Variants in UST observed in about 807,000 individuals in gnomAD.
UST encodes chondroitin sulfate 2-O-sulfotransferase.
In UST, 21 loss-of-function variants were observed where a neutral mutation model predicts 45.6. That is an observed-to-expected ratio of 0.46 (90% CI 0.33 to 0.66). The LOEUF (loss-of-function observed/expected upper bound fraction) is 0.66. UST is among the 30% of genes least tolerant of loss of function. UST has a pLI of 0.02. For missense variants in UST, 463 were observed against 512.4 expected (o/e 0.90, Z 0.93); for synonymous variants, 215 against 200.6 (o/e 1.07, Z -0.61).
chr6:148,910,208 T>A (rs1390751786), intron 2 of UST, among the ~76,000 whole-genome samples: 1 of 149,892 alleles, frequency 6.7e-6, no homozygotes, highest in Non-Finnish European at 1.5e-5. Context: ...TGGCACGATC[T>A]TGGCTCACCA....
At chr6:148,984,948 C>T (rs907422005) in intron 5 of UST, among the ~76,000 whole-genome samples, 1 of 152,164 alleles carries the variant, frequency 6.6e-6, no homozygotes, top group African/African-American at 2.4e-5. Flanking sequence ...ATAAGATCAA[C>T]AATTGTTTCA....
chr6:148,921,549 C>T (rs888328297), intron 2 of UST, among the ~76,000 whole-genome samples: 2 of 152,206 alleles, frequency 1.3e-5, no homozygotes, highest in Non-Finnish European at 2.9e-5. Flanking sequence ...CTCTGTCTGG[C>T]AGCCTATGAG....
intron 1 of UST, among the ~76,000 whole-genome samples, chr6:148,802,572 C>A (rs1013664834): frequency 6.6e-6 from 1 of 152,068 alleles, no homozygotes. Flanking sequence ...ATTTCATTTT[C>A]TCTCTCTCTC....
chr6:148,969,529 C>T (rs1284894284), intron 5 of UST, among the ~76,000 whole-genome samples: 2 of 152,178 alleles, frequency 1.3e-5, no homozygotes, highest in African/African-American at 4.8e-5. Flanking sequence ...GCCTGCATTA[C>T]AGGGTTGTTG....
intron 1 of UST, among the ~76,000 whole-genome samples, chr6:148,762,150 TAAAG>T: frequency 6.6e-6 from 1 of 152,282 alleles, no homozygotes; most frequent in African/African-American, 2.4e-5. Context: ...TGCTGCGAGA[TAAAG>T]AGTTTTCCCA....
At position 148,811,148 on chromosome 6, in the gene UST, G is replaced by A. The variant is rs1409157066; in HGVS notation, c.247+63471G>A. Among the ~76,000 whole-genome samples, 3 of 152,038 alleles carry A rather than the reference G, an allele frequency of 2.0e-5. No individual in the cohort carries two copies. The East Asian group carries it at 5.8e-4, about 29-fold the overall frequency. ...ATCGATTATTGCTCATGATCTATGG[G>A]TCAGCTGGGCAGTTCTTCTGGTCTT... is the stretch of plus-strand genomic sequence containing the variant. On this transcript the variant is annotated intron_variant, in intron 1 of 7. Coordinates refer to ENST00000367463, the MANE Select transcript of UST (RefSeq NM_005715.3).
At chr6:148,966,777 C>A (rs1028371987) in intron 5 of UST, among the ~76,000 whole-genome samples, 1 of 152,206 alleles carries the variant, frequency 6.6e-6, no homozygotes, top group Non-Finnish European at 1.5e-5. Context: ...TGCTCTGTTG[C>A]CCAGGCTGGA....
At chr6:148,858,096 C>T (rs1284230517) in intron 1 of UST, among the ~76,000 whole-genome samples, 1 of 152,124 alleles carries the variant, frequency 6.6e-6, no homozygotes, top group Non-Finnish European at 1.5e-5. Flanking sequence ...TGTAGAGGCA[C>T]AGAACTAATA....
At chr6:148,937,952 A>C (rs1327491424) in intron 2 of UST, among the ~76,000 whole-genome samples, 1 of 152,212 alleles carries the variant, frequency 6.6e-6, no homozygotes, top group African/African-American at 2.4e-5. Flanking sequence ...ACCTAATTCA[A>C]CCTTCCTGAT....
intron 1 of UST, among the ~76,000 whole-genome samples, chr6:148,846,865 T>C (rs1009398338): frequency 6.6e-6 from 1 of 152,266 alleles, no homozygotes; most frequent in Admixed American, 6.5e-5. Flanking sequence ...GAAAAGACTT[T>C]GGATAGTTGC....
intron 1 of UST, among the ~76,000 whole-genome samples, chr6:148,868,034 C>T (rs1778479119): frequency 6.6e-6 from 1 of 152,168 alleles, no homozygotes; most frequent in Admixed American, 6.5e-5. Flanking sequence ...GAGCCTGCCA[C>T]TGATGAGCAG....
At chr6:148,833,993 C>T (rs908025377) in intron 1 of UST, among the ~76,000 whole-genome samples, 10 of 152,026 alleles carry the variant, frequency 6.6e-5, no homozygotes, top group Admixed American at 3.3e-4. Context: ...ACCTTTTCAC[C>T]GTCTTGTTTT....
intron 5 of UST, among the ~76,000 whole-genome samples, chr6:148,975,624 G>A (rs923453350): frequency 6.6e-6 from 1 of 152,044 alleles, no homozygotes; most frequent in African/African-American, 2.4e-5. Context: ...TGATCAAAGA[G>A]CCTCACAACT....
At chr6:149,062,034 A>G (rs1228748404) in intron 7 of UST, among the ~76,000 whole-genome samples, 1 of 152,252 alleles carries the variant, frequency 6.6e-6, no homozygotes, top group Non-Finnish European at 1.5e-5. Context: ...TGGCTGGGGT[A>G]AATATCACAC....
At chr6:149,037,285 G>A (rs143286648) in intron 7 of UST, among the ~76,000 whole-genome samples, 32 of 152,300 alleles carry the variant, frequency 2.1e-4, no homozygotes, top group African/African-American at 7.5e-4. Context: ...GTCCAAGCCA[G>A]TTCAAAATCG....
chr6:148,834,376 T>G (rs1291266068), intron 1 of UST, among the ~76,000 whole-genome samples: 1 of 152,214 alleles, frequency 6.6e-6, no homozygotes, highest in Non-Finnish European at 1.5e-5. Context: ...GGAAGCATTC[T>G]CTTTACCAAA....
chr6:148,750,911 A>T (rs796457202), intron 1 of UST, among the ~76,000 whole-genome samples: 1 of 152,262 alleles, frequency 6.6e-6, no homozygotes, highest in East Asian at 1.9e-4. Flanking sequence ...CAGTTGTGCT[A>T]TGTCTAGGCT....
rs773693678 is a variant in UST, at chr6:148,887,012, G to C, written c.274G>C (p.Gly92Arg). 6.8e-6 allele frequency: 11 copies of C among 1,612,740 alleles called. No homozygotes were observed. Among genetic ancestry groups the C allele is most frequent in the Middle Eastern group, 1.6e-4 (1 of 6,078 alleles). Residue 92 changes from glycine to arginine, a missense_variant, in exon 2 of 8, where the codon GGA (glycine) becomes CGA (arginine). Physicochemically the swap from Gly to Arg is moderately radical, Grantham distance 125. Transcript: ENST00000367463. Reference sequence around the variant, plus strand: ...AAATTCCACTTACTTGGATGACCATGGACCACCTCCTAGTAAGGTAAGATC... The same window carrying C: ...AAATTCCACTTACTTGGATGACCATCGACCACCTCCTAGTAAGGTAAGATC... The part of the protein sequence containing the change: ...LGNSTYLDDH[G>R]PPPSKVLPFP...
At chr6:148,766,078 A>G (rs561297481) in intron 1 of UST, among the ~76,000 whole-genome samples, 1 of 152,180 alleles carries the variant, frequency 6.6e-6, no homozygotes, top group South Asian at 2.1e-4. Flanking sequence ...GATTTTATGG[A>G]ATGCTTTTTC....
Sources: allele counts gnomAD v4.1 joint callset (sites outside exome capture counted in the v4.1 genomes callset), GRCh38; gene constraint gnomAD v4.1.1; transcripts MANE v1.5; gene names NCBI Gene and HGNC (gene_info 2026-07-23, HGNC 2026-07-21).